The following EFCAB6 variants were observed in gnomAD, a reference collection of about 807,000 sequenced individuals.
EFCAB6 encodes EF-hand calcium binding domain 6, also known as EF-hand calcium-binding domain-containing protein 6.
EFCAB6 carries 156 observed loss-of-function variants against 169.8 expected under a neutral mutation model. That is an observed-to-expected ratio of 0.92 (90% CI 0.81 to 1.05). The LOEUF is 1.05. EFCAB6 is among the 50% of genes least tolerant of loss of function. The pLI is 0.00. For synonymous variants in EFCAB6, 698 were observed against 676.4 expected (o/e 1.03, Z -0.50); for missense variants, 1,800 against 1,829.1 (o/e 0.98, Z 0.29).
intron 4 of EFCAB6, among the ~76,000 whole-genome samples, chr22:43,769,231 A>G (rs117709687): frequency 6.6e-6 from 1 of 152,374 alleles, no homozygotes; most frequent in East Asian, 1.9e-4. Context: ...TGCTAGACAC[A>G]AAAGATCATA....
chr22:43,602,544 T>C (rs1279657402), intron 22 of EFCAB6, among the ~76,000 whole-genome samples: 2 of 152,162 alleles, frequency 1.3e-5, no homozygotes, highest in South Asian at 2.1e-4. Context: ...CCCAGGGCCA[T>C]GCCTCTCTCC....
intron 20 of EFCAB6, among the ~76,000 whole-genome samples, chr22:43,624,408 G>A (rs987708709): frequency 7.2e-5 from 11 of 152,184 alleles, no homozygotes; most frequent in Admixed American, 5.2e-4. Flanking sequence ...AGAAGGTGAC[G>A]TCCTTCACAG....
chr22:43,687,355 A>G (rs1015755952), intron 11 of EFCAB6, 116 bp downstream of exon 11: 5 of 666,610 alleles, frequency 7.5e-6, no homozygotes, highest in African/African-American at 7.4e-5. Context: ...CAATTATTCA[A>G]TGGAGACTAA....
At chr22:43,797,509 G>A (rs6006547) in intron 2 of EFCAB6, among the ~76,000 whole-genome samples, 1 of 152,032 alleles carries the variant, frequency 6.6e-6, no homozygotes, top group South Asian at 2.1e-4. Context: ...GGCAAATCAC[G>A]TGAATTTCAC....
intron 9 of EFCAB6, among the ~76,000 whole-genome samples, chr22:43,714,435 A>T (rs1190919954): frequency 6.6e-6 from 1 of 152,166 alleles, no homozygotes; most frequent in Non-Finnish European, 1.5e-5. Flanking sequence ...TAAAGGAAGA[A>T]CTGAATCTGT....
intron 6 of EFCAB6, among the ~76,000 whole-genome samples, chr22:43,740,573 T>G (rs2060332120): frequency 2.0e-5 from 3 of 152,218 alleles, no homozygotes; most frequent in African/African-American, 7.2e-5. Context: ...ACTGAACGGA[T>G]GTCTGTTATG....
At position 43,662,692 on chromosome 22, in the gene EFCAB6, T is replaced by C. The variant is rs912114748; in HGVS notation, c.1983+4412A>G. Among the ~76,000 whole-genome samples, 3 of 152,172 alleles carry C rather than the reference T, an allele frequency of 2.0e-5. No homozygotes were observed. The East Asian group carries it at 5.8e-4, about 29-fold the overall frequency. On this transcript the variant is annotated intron_variant, in intron 17 of 31. Coordinates refer to ENST00000262726, the MANE Select transcript of EFCAB6 (RefSeq NM_022785.4). ...AGCATTGTAATTAAAATTAATGTCC[T>C]TCTCACTAAACTCTGAGGCCAGCTA...
chr22:43,563,131 G>A (rs1427507854), intron 26 of EFCAB6, among the ~76,000 whole-genome samples: 1 of 152,166 alleles, frequency 6.6e-6, no homozygotes, highest in Non-Finnish European at 1.5e-5. Flanking sequence ...AGCGCCGCCT[G>A]CCAGGGCAGA....
chr22:43,802,667 G>T (rs2062767970), intron 2 of EFCAB6: 7 of 502,222 alleles, frequency 1.4e-5, no homozygotes, highest in Non-Finnish European at 2.8e-5. Context: ...GGTACACAAA[G>T]GGAAAAAGGG....
chr22:43,671,450 T>C (rs1246526941), intron 15 of EFCAB6, among the ~76,000 whole-genome samples: 1 of 152,154 alleles, frequency 6.6e-6, no homozygotes, highest in Non-Finnish European at 1.5e-5. Context: ...TATTTGATAA[T>C]TGTGGTTTTA....
intron 17 of EFCAB6, among the ~76,000 whole-genome samples, chr22:43,638,830 G>C (rs2055609764): frequency 6.8e-6 from 1 of 146,812 alleles, no homozygotes; most frequent in African/African-American, 2.5e-5. Flanking sequence ...TTGTTGCCCA[G>C]GCTGGAGTGC....
intron 27 of EFCAB6, among the ~76,000 whole-genome samples, chr22:43,550,912 T>A (rs1262197601): frequency 2.0e-5 from 3 of 152,150 alleles, no homozygotes; most frequent in Non-Finnish European, 4.4e-5. Flanking sequence ...ACTCTGCAAG[T>A]TGCTCTCCTT....
chr22:43,640,091 T>C (rs1228267038), intron 17 of EFCAB6, among the ~76,000 whole-genome samples: 1 of 152,180 alleles, frequency 6.6e-6, no homozygotes, highest in Non-Finnish European at 1.5e-5. Flanking sequence ...ATGGTTACTT[T>C]AAAGTCTTTG....
intron 10 of EFCAB6, among the ~76,000 whole-genome samples, chr22:43,710,182 A>G (rs2059111027): frequency 6.6e-6 from 1 of 152,234 alleles, no homozygotes; most frequent in Non-Finnish European, 1.5e-5. Flanking sequence ...ACCATTTCAA[A>G]TTGGAAAGAA....
chr22:43,797,544 G>A (rs199733333), intron 2 of EFCAB6, among the ~76,000 whole-genome samples: 1 of 151,968 alleles, frequency 6.6e-6, no homozygotes, highest in Non-Finnish European at 1.5e-5. Flanking sequence ...TTCTCAGGGG[G>A]AGAGATTTTA....
chr22:43,801,216 G>C (rs1418533745), intron 2 of EFCAB6, among the ~76,000 whole-genome samples: 1 of 152,116 alleles, frequency 6.6e-6, no homozygotes, highest in Non-Finnish European at 1.5e-5. Context: ...TGTCATCCAA[G>C]AATATTATAT....
At chr22:43,660,305 G>C (rs1324921870) in intron 17 of EFCAB6, among the ~76,000 whole-genome samples, 2 of 152,120 alleles carry the variant, frequency 1.3e-5, no homozygotes, top group Non-Finnish European at 2.9e-5. Flanking sequence ...CCTGGTGTCA[G>C]AAACTGCACC....
intron 20 of EFCAB6, among the ~76,000 whole-genome samples, chr22:43,626,171 A>T (rs2054506069): frequency 6.6e-6 from 1 of 152,214 alleles, no homozygotes; most frequent in African/African-American, 2.4e-5. Flanking sequence ...TATGTGTGTC[A>T]CACACACGTA....
intron 2 of EFCAB6, among the ~76,000 whole-genome samples, chr22:43,796,418 G>A (rs537598147): frequency 6.6e-6 from 1 of 152,122 alleles, no homozygotes; most frequent in Admixed American, 6.5e-5. Flanking sequence ...CAAATACAGA[G>A]CCTAAAGAAA....
Sources: gnomAD v4.1 joint callset for allele counts (sites outside exome capture counted in the v4.1 genomes callset) on GRCh38, gnomAD v4.1.1 for gene constraint, MANE v1.5 for transcripts, NCBI Gene and HGNC (gene_info 2026-07-23, HGNC 2026-07-21) for gene names.